RNF44: variants seen among roughly 807,000 people sequenced by gnomAD.
RNF44 encodes the protein ring finger protein 44.
In RNF44, 25 loss-of-function variants were observed where a neutral mutation model predicts 53.6. That is an observed-to-expected ratio of 0.47 (90% CI 0.34 to 0.65). The LOEUF (loss-of-function observed/expected upper bound fraction) is 0.65, where lower values mean the gene tolerates loss of function less well. Ranked by LOEUF, RNF44 falls within the 30% of genes least tolerant of loss-of-function variation. The pLI is 0.01. For synonymous variants in RNF44, 282 were observed against 252.2 expected (o/e 1.12, Z -1.12); for missense variants, 581 against 595.5 (o/e 0.98, Z 0.25).
In RNF44 at chr5:176,531,231, C is replaced by T. The variant is rs1756627490; in HGVS notation, c.466-210G>A. On this transcript the variant is annotated intron_variant, in intron 4 of 10. Coordinates refer to ENST00000274811, the MANE Select transcript of RNF44 (RefSeq NM_014901.5). The surrounding 1 kb of genome is among the most constrained non-coding windows in gnomAD (Gnocchi z 4.2). ...GCCCACAGCCTCAACTCCTGGGCCT[C>T]TGCCAAGCTGTGAGGCAGGTACAGG... Among the ~76,000 whole-genome samples the T allele has an allele frequency of 6.6e-6, 1 of 152,280 alleles. No individual in the cohort carries two copies. The highest frequency in any genetic ancestry group is 1.5e-5 in the Non-Finnish European group (1 of 68,052).
At chr5:176,536,339 A>T (rs1757167996) in intron 1 of RNF44, 2 of 152,438 alleles carry the variant, frequency 1.3e-5, no homozygotes, top group South Asian at 4.1e-4. Flanking sequence ...GCGCCCAAAT[A>T]AAACCAGAAG....
rs115614966 is a variant in RNF44, at chr5:176,529,339, G to A, written c.1185C>T (p.Val395=). The change falls in exon 10 of 11, where the codon GTC becomes GTT. Residue 395 remains valine, a synonymous_variant. Transcript: ENST00000274811. ...TGTGGAACTCATGGTTGCAGGGGAG[G>A]ACTCGGAGCAGCTGCCGCGCCTCGA... ...SDFEARQLLR[V]LPCNHEFHTK... The A allele has an allele frequency of 1.2e-6, 2 of 1,613,564 alleles. No individual in the cohort carries two copies. Among genetic ancestry groups the A allele is most frequent in the South Asian group, 1.1e-5 (1 of 91,080 alleles).
rs1228229626 is a variant in RNF44, at chr5:176,528,900, C to G, written c.*128G>C. The G allele has an allele frequency of 8.2e-6, 7 of 849,990 alleles. No individual in the cohort carries two copies. Among genetic ancestry groups the G allele is most frequent in the Non-Finnish European group, 9.0e-6 (5 of 554,666 alleles). The allele number at this position is 849,990 out of a possible 1,614,324, so 52.7% of individuals were successfully genotyped here. On this transcript the variant is annotated 3_prime_UTR_variant, in exon 11 of 11. Coordinates refer to ENST00000274811, the MANE Select transcript of RNF44 (RefSeq NM_014901.5). Reference sequence around the variant, plus strand: ...CTCCTCGCTGGGCTGACCCTGGCACCAGCTCTGGAAATGCAGGCAGGAGCG... The same window carrying G: ...CTCCTCGCTGGGCTGACCCTGGCACGAGCTCTGGAAATGCAGGCAGGAGCG...
intron 1 of RNF44, among the ~76,000 whole-genome samples, chr5:176,533,411 C>A (rs1205292821): frequency 6.6e-6 from 1 of 152,226 alleles, no homozygotes; most frequent in Non-Finnish European, 1.5e-5. Flanking sequence ...GAAACTGAGG[C>A]TCAGCAAGAA....
upstream of RNF44, among the ~76,000 whole-genome samples, chr5:176,540,757 C>T (rs537826802): frequency 7.9e-5 from 12 of 152,298 alleles, no homozygotes; most frequent in African/African-American, 2.9e-4. Flanking sequence ...TCAGTAAATC[C>T]CCAGTCATTT....
Position 176,531,670 on chromosome 5 carries a change from G to C in RNF44, c.298-40C>G, listed in dbSNP as rs769736371. 6.4e-7 allele frequency: 1 copy of C among 1,571,390 alleles called. No homozygotes were observed. Among genetic ancestry groups the C allele is most frequent in the South Asian group, 1.2e-5 (1 of 86,592 alleles). On this transcript the variant is annotated intron_variant, in intron 3 of 10. Coordinates refer to ENST00000274811, the MANE Select transcript of RNF44 (RefSeq NM_014901.5). The surrounding 1 kb of genome is among the most constrained non-coding windows in gnomAD (Gnocchi z 4.2). ...AACGCCGGGAAAGTATGAAAAGGAA[G>C]CTGACCGCGAGGGCTACTCTCAGGA...
chr5:176,539,794 G>A (rs1173947335), upstream of RNF44, among the ~76,000 whole-genome samples: 2 of 151,984 alleles, frequency 1.3e-5, no homozygotes, highest in Non-Finnish European at 2.9e-5. Flanking sequence ...ACTGCCAACT[G>A]CATGGAAGCC....
chr5:176,535,332 C>T (rs1417075938), intron 1 of RNF44, among the ~76,000 whole-genome samples: 1 of 152,200 alleles, frequency 6.6e-6, no homozygotes, highest in African/African-American at 2.4e-5. Flanking sequence ...TTAGCGAATA[C>T]GACACGCTGA....
intron 2 of RNF44, 34 bp from the exon 3 acceptor site, chr5:176,532,227 AG>A (rs766259775): frequency 4.7e-6 from 7 of 1,491,632 alleles, no homozygotes; most frequent in Non-Finnish European, 6.2e-6. Context: ...GATAGGACTG[AG>A]GGGGGCCACT....
chr5:176,532,481 CA>C lies in RNF44; in HGVS notation c.-10del, dbSNP rs1468909520. ...AGAGCCCATGGTCGCATCGGGGGGG[CA>C]GGGGGGTGGAGGGGCTGGGCCGGGA... On this transcript the variant is annotated 5_prime_UTR_variant, in exon 2 of 11. Coordinates refer to ENST00000274811, the MANE Select transcript of RNF44 (RefSeq NM_014901.5). The C allele has an allele frequency of 1.3e-6, 2 of 1,516,614 alleles. No individual in the cohort carries two copies. Among genetic ancestry groups the C allele is most frequent in the Non-Finnish European group, 1.8e-6 (2 of 1,129,376 alleles). The allele number at this position is 1,516,614 out of a possible 1,614,324, so 93.9% of individuals were successfully genotyped here. A position where few individuals can be genotyped will look rare whatever the true frequency, so the allele number is the denominator to read the frequency against.
At position 176,536,948 on chromosome 5, in the gene RNF44, G is replaced by C. The variant is rs1472277543; in HGVS notation, c.-53C>G. The stretch of plus-strand genomic sequence containing the variant: ...CCCTGGCACCGACTCACCTTTGGCC[G>C]CCCGGCCACACGTTGACTCCTTTGT... On this transcript the variant is annotated 5_prime_UTR_variant, in exon 1 of 11. Transcript: ENST00000274811. 1 of 134,676 alleles carries C rather than the reference G, an allele frequency of 7.4e-6. No homozygotes were observed. Among genetic ancestry groups the C allele is most frequent in the Non-Finnish European group, 1.6e-5 (1 of 64,082 alleles). 8.3% of individuals were successfully genotyped at this position (134,676 alleles called of 1,614,324 possible). A position where few individuals can be genotyped will look rare whatever the true frequency, so the allele number is the denominator to read the frequency against.
chr5:176,538,114 CG>C (rs1464093456), upstream of RNF44: 1 of 152,158 alleles, frequency 6.6e-6, no homozygotes, highest in African/African-American at 2.4e-5. Flanking sequence ...GGAAGAGAGG[CG>C]GGGAACAGGT....
upstream of RNF44, among the ~76,000 whole-genome samples, chr5:176,542,076 G>A (rs983034022): frequency 1.3e-5 from 2 of 152,242 alleles, no homozygotes; most frequent in Admixed American, 6.5e-5. Context: ...CTGGAGAGGT[G>A]CTCCCCGTCT....
Position 176,529,590 on chromosome 5 carries a change from T to C in RNF44, c.1069A>G (p.Lys357Glu). The change falls in exon 9 of 11, where the codon AAA (lysine) becomes GAA (glutamate). Residue 357 changes from lysine (K) to glutamate (E), a missense_variant. Around this residue, in one of 3 missense-constraint regions of RNF44, gnomAD observed 183 missense variants for 198.6 expected, o/e 0.92. Coordinates refer to ENST00000274811, the MANE Select transcript of RNF44 (RefSeq NM_014901.5). ...GACGGGAGCTGCTCTATGTCTGCTT[T>C]GGTGAGACCCCGGGGCTTGGCATCT... ...LGDAKPRGLT[K>E]ADIEQLPSYR... The C allele has an allele frequency of 1.9e-6, 3 of 1,613,946 alleles. No homozygotes were observed. Among genetic ancestry groups the C allele is most frequent in the Non-Finnish European group, 2.5e-6 (3 of 1,180,004 alleles).
At chr5:176,541,058 C>T (rs1467555990), upstream of RNF44, among the ~76,000 whole-genome samples, 1 of 152,198 alleles carries the variant, frequency 6.6e-6, no homozygotes, top group African/African-American at 2.4e-5. Context: ...AGGGAGACGT[C>T]GTTTACTTTC....
intron 1 of RNF44, among the ~76,000 whole-genome samples, chr5:176,534,231 G>A (rs1756965261): frequency 6.6e-6 from 1 of 152,216 alleles, no homozygotes; most frequent in Non-Finnish European, 1.5e-5. Context: ...ACCCAGTCTG[G>A]CAGCAATGCC....
chr5:176,531,881 A>C lies in RNF44; in HGVS notation c.297+123T>G, dbSNP rs1457496692. On this transcript the variant is annotated intron_variant, in intron 3 of 10. Transcript: ENST00000274811. This position sits in a 1 kb window ranked among gnomAD's most constrained non-coding sequence, Gnocchi z 4.2. The stretch of plus-strand genomic sequence containing the variant: ...GCCTCAGTTTACCTACCTGTAAAGC[A>C]GGGCCAATAATGCCTCCCTGGAACG... The C allele has an allele frequency of 9.0e-7, 1 of 1,110,324 alleles. No individual in the cohort carries two copies. Among genetic ancestry groups the C allele is most frequent in the Non-Finnish European group, 1.3e-6 (1 of 783,678 alleles). The allele number at this position is 1,110,324 out of a possible 1,614,324, so 68.8% of individuals were successfully genotyped here. A position where few individuals can be genotyped will look rare whatever the true frequency, so the allele number is the denominator to read the frequency against.
In RNF44 at chr5:176,530,639, C is replaced by G; in HGVS notation, c.744G>C (p.Ser248=). Residue 248 remains serine (S), a synonymous_variant, in exon 6 of 11, where the codon TCG becomes TCC. Coordinates refer to ENST00000274811, the MANE Select transcript of RNF44 (RefSeq NM_014901.5). Reference sequence around the variant, plus strand: ...CGTGGGGCAGGTAGTGCAGGGGCACCGACGGGGAAAGGGCTGGGCCAGGCG... The same window carrying G: ...CGTGGGGCAGGTAGTGCAGGGGCACGGACGGGGAAAGGGCTGGGCCAGGCG... ...TSAPGPALSP[S]VPLHYLPHDP... 1 of 1,518,694 alleles carries G rather than the reference C, an allele frequency of 6.6e-7. No individual in the cohort carries two copies. Among genetic ancestry groups the G allele is most frequent in the Non-Finnish European group, 8.8e-7 (1 of 1,136,510 alleles). 94.1% of individuals were successfully genotyped at this position (1,518,694 alleles called of 1,614,324 possible).
chr5:176,542,010 C>G (rs1187437088), upstream of RNF44, among the ~76,000 whole-genome samples: 2 of 152,178 alleles, frequency 1.3e-5, no homozygotes, highest in Non-Finnish European at 2.9e-5. Context: ...CCCTGAGCCC[C>G]GAGTTCTGGC....
Sources: gnomAD v4.1 joint callset for allele counts (sites outside exome capture counted in the v4.1 genomes callset) on GRCh38, gnomAD v4.1.1 for gene constraint, gnomAD v4.1.1 regional missense constraint, Gnocchi (gnomAD v3.1) non-coding constraint, MANE v1.5 for transcripts, NCBI Gene and HGNC (gene_info 2026-07-23, HGNC 2026-07-21) for gene names.